CSMD3: variants seen among roughly 807,000 people sequenced by gnomAD.
CSMD3 encodes CUB and Sushi multiple domains 3, also known as CUB and sushi domain-containing protein 3.
CSMD3 carries 177 observed loss-of-function variants against 435.2 expected under a neutral mutation model. The ratio of observed to expected loss-of-function variants is 0.41; its 90% CI spans 0.36 to 0.46. CSMD3 has a LOEUF of 0.46. Ranked by LOEUF, CSMD3 falls within the 20% of genes least tolerant of loss-of-function variation. The pLI, the probability that CSMD3 is intolerant of heterozygous loss-of-function variation, is 0.34. For synonymous variants in CSMD3, 1,656 were observed against 1,520.5 expected (o/e 1.09, Z -2.07); for missense variants, 4,265 against 4,504.6 (o/e 0.95, Z 1.52).
chr8:113,137,807 G>C (rs1030033435), intron 4 of CSMD3, among the ~76,000 whole-genome samples: 1 of 151,378 alleles, frequency 6.6e-6, no homozygotes, highest in Non-Finnish European at 1.5e-5. Context: ...ATTTTGAAGG[G>C]GACAAGAACA....
intron 13 of CSMD3, among the ~76,000 whole-genome samples, chr8:112,700,196 T>C (rs1421003271): frequency 1.3e-5 from 2 of 152,158 alleles, no homozygotes; most frequent in East Asian, 1.9e-4. Context: ...AATTATTTGA[T>C]GCTTCTATCA....
At chr8:113,402,166 T>A (rs978581437) in intron 1 of CSMD3, among the ~76,000 whole-genome samples, 11 of 151,206 alleles carry the variant, frequency 7.3e-5, no homozygotes, top group African/African-American at 2.4e-4. Context: ...TATCTTAAAT[T>A]TTTCTTTTAT....
intron 45 of CSMD3, among the ~76,000 whole-genome samples, chr8:112,325,839 T>C (rs1465090659): frequency 1.3e-5 from 2 of 152,100 alleles, no homozygotes; most frequent in East Asian, 3.9e-4. Flanking sequence ...TTTGCTTTCC[T>C]CATTTATAAA....
chr8:112,333,485 A>C (rs1824269579), intron 45 of CSMD3, among the ~76,000 whole-genome samples: 2 of 152,066 alleles, frequency 1.3e-5, no homozygotes, highest in Admixed American at 6.6e-5. Context: ...CTTTATTCTT[A>C]AGCAATTCTA....
intron 13 of CSMD3, among the ~76,000 whole-genome samples, chr8:112,708,702 C>A (rs1587031064): frequency 1.5e-5 from 2 of 130,262 alleles, no homozygotes; most frequent in South Asian, 2.5e-4. Flanking sequence ...AAAACCACCA[C>A]ACCAAACAGG....
chr8:112,698,140 A>T (rs547470357), intron 13 of CSMD3, among the ~76,000 whole-genome samples: 46 of 152,132 alleles, frequency 3.0e-4, no homozygotes, highest in African/African-American at 1.1e-3. Context: ...TGGGAGGTTA[A>T]GTATATGTGA....
rs1309964707 is a variant in CSMD3, at chr8:112,598,718, A to G, written c.3716-11483T>C. ...AGAGCCCTCAGAAATAATGCCGCAT[A>G]TCTACAACTATCTGATCTTTGACAA... On this transcript the variant is annotated intron_variant, in intron 22 of 70. Coordinates refer to ENST00000297405, the MANE Select transcript of CSMD3 (RefSeq NM_198123.2). 5.3e-5 allele frequency among the ~76,000 whole-genome samples: 8 copies of G among 150,816 alleles called. No homozygotes were observed. The East Asian group carries it at 1.4e-3, about 26-fold the overall frequency.
intron 12 of CSMD3, among the ~76,000 whole-genome samples, chr8:112,803,640 C>CCAATAAGCCA (rs1457367671): frequency 6.6e-6 from 1 of 152,118 alleles, no homozygotes; most frequent in African/African-American, 2.4e-5. Flanking sequence ...TAAACAGTAA[C>CCAATAAGCCA]ATGGAAAATA....
chr8:112,503,594 T>C (rs1195906852), intron 30 of CSMD3, among the ~76,000 whole-genome samples, 196 bp downstream of exon 30: 2 of 152,172 alleles, frequency 1.3e-5, no homozygotes, highest in Non-Finnish European at 1.5e-5. Context: ...TGGTAGTAAT[T>C]AGAGAAATGC....
intron 1 of CSMD3, among the ~76,000 whole-genome samples, chr8:113,412,799 A>G (rs1351059030): frequency 6.8e-6 from 1 of 146,412 alleles, no homozygotes; most frequent in African/African-American, 2.4e-5. Flanking sequence ...CTAGAAGACA[A>G]TGTTACAGGT....
intron 1 of CSMD3, among the ~76,000 whole-genome samples, chr8:113,315,492 T>C (rs1392507687): frequency 1.3e-5 from 2 of 151,758 alleles, no homozygotes; most frequent in Non-Finnish European, 2.9e-5. Flanking sequence ...ATTTGTTCCA[T>C]GGAAAGTCTA....
intron 22 of CSMD3, among the ~76,000 whole-genome samples, chr8:112,621,154 G>A (rs1834039048): frequency 6.6e-6 from 1 of 152,110 alleles, no homozygotes; most frequent in African/African-American, 2.4e-5. Flanking sequence ...AGAATCGCTT[G>A]AACCTGGGAG....
intron 1 of CSMD3, among the ~76,000 whole-genome samples, chr8:113,357,222 C>T (rs2094236546): frequency 6.6e-6 from 1 of 152,130 alleles, no homozygotes; most frequent in Non-Finnish European, 1.5e-5. Flanking sequence ...TAAGCATTTG[C>T]TTTGGATTAT....
At chr8:113,032,718 G>T (rs2087167938) in intron 5 of CSMD3, among the ~76,000 whole-genome samples, 2 of 151,740 alleles carry the variant, frequency 1.3e-5, no homozygotes, top group African/African-American at 4.8e-5. Context: ...GCAGAAATGT[G>T]CATAAGTAAT....
chr8:113,081,042 C>G (rs752071796), intron 5 of CSMD3, among the ~76,000 whole-genome samples: 2 of 151,878 alleles, frequency 1.3e-5, no homozygotes, highest in African/African-American at 2.4e-5. Context: ...TTATATTGTT[C>G]TTCTTTGAAT....
At chr8:113,322,555 CT>C (rs1181263606) in intron 1 of CSMD3, among the ~76,000 whole-genome samples, 19 of 152,226 alleles carry the variant, frequency 1.2e-4, no homozygotes, top group African/African-American at 3.6e-4. Context: ...CATTCTTTTT[CT>C]TCAAAACTGC....
At chr8:113,341,292 G>T (rs1226094592) in intron 1 of CSMD3, among the ~76,000 whole-genome samples, 1 of 152,046 alleles carries the variant, frequency 6.6e-6, no homozygotes, top group African/African-American at 2.4e-5. Flanking sequence ...TGTGAAAATA[G>T]AGTACTAGAG....
intron 10 of CSMD3, among the ~76,000 whole-genome samples, chr8:112,920,209 T>C (rs921952155): frequency 6.6e-6 from 1 of 151,778 alleles, no homozygotes; most frequent in African/African-American, 2.4e-5. Context: ...ATGTGCTAGC[T>C]AGGATAAAGG....
intron 27 of CSMD3, among the ~76,000 whole-genome samples, chr8:112,526,132 A>C (rs1467336705): frequency 1.3e-5 from 2 of 151,458 alleles, no homozygotes; most frequent in African/African-American, 4.8e-5. Flanking sequence ...TATTTACTTA[A>C]AATTGTAAAA....
Sources: allele counts gnomAD v4.1 joint callset (sites outside exome capture counted in the v4.1 genomes callset), GRCh38; gene constraint gnomAD v4.1.1; transcripts MANE v1.5; gene names NCBI Gene and HGNC (gene_info 2026-07-23, HGNC 2026-07-21).